Variants in EEPD1 observed in about 807,000 individuals in gnomAD.
EEPD1 encodes endonuclease/exonuclease/phosphatase family domain-containing protein 1.
In EEPD1, 17 loss-of-function variants were observed where a neutral mutation model predicts 46.3. The observed-to-expected ratio is 0.37, with a 90% CI of 0.25 to 0.55. EEPD1 has a LOEUF of 0.55. EEPD1 is among the 20% of genes least tolerant of loss of function. The probability of loss-of-function intolerance (pLI) is 0.83; values close to 1 mark genes in which losing one functional copy is unlikely to be tolerated. For missense variants in EEPD1, 673 were observed against 745.6 expected (o/e 0.90, Z 1.13); for synonymous variants, 313 against 315.6 (o/e 0.99, Z 0.09).
chr7:36,268,381 G>A (rs904034797), intron 3 of EEPD1, among the ~76,000 whole-genome samples: 1 of 151,990 alleles, frequency 6.6e-6, no homozygotes, highest in Non-Finnish European at 1.5e-5. Flanking sequence ...GGCTGGTCTC[G>A]AACTCCTGAC....
intron 4 of EEPD1, among the ~76,000 whole-genome samples, chr7:36,281,783 T>G (rs1787264597): frequency 6.6e-6 from 1 of 152,020 alleles, no homozygotes; most frequent in Non-Finnish European, 1.5e-5. Context: ...CCAGATTTAT[T>G]CACCTTGCAA....
chr7:36,191,363 G>A (rs747778117), intron 2 of EEPD1, among the ~76,000 whole-genome samples: 7 of 152,216 alleles, frequency 4.6e-5, no homozygotes, highest in Non-Finnish European at 1.0e-4. Context: ...AGATAAGCAT[G>A]GAGGAGAGTG....
intron 3 of EEPD1, among the ~76,000 whole-genome samples, chr7:36,256,941 T>C (rs1434091125): frequency 6.6e-6 from 1 of 152,236 alleles, no homozygotes; most frequent in Non-Finnish European, 1.5e-5. Flanking sequence ...TTGGTATATT[T>C]TTGCAGTGGC....
At chr7:36,259,140 C>T (rs1018268549) in intron 3 of EEPD1, among the ~76,000 whole-genome samples, 13 of 152,280 alleles carry the variant, frequency 8.5e-5, no homozygotes, top group African/African-American at 3.1e-4. Context: ...GGTGATACCC[C>T]ATCCTGGTTC....
chr7:36,272,428 G>A (rs566001428), intron 3 of EEPD1, among the ~76,000 whole-genome samples: 2 of 151,718 alleles, frequency 1.3e-5, no homozygotes, highest in Non-Finnish European at 2.9e-5. Flanking sequence ...CTTCACTTCA[G>A]TCTCCACAAA....
At chr7:36,162,293 A>G (rs1242199067) in intron 2 of EEPD1, among the ~76,000 whole-genome samples, 3 of 152,358 alleles carry the variant, frequency 2.0e-5, no homozygotes, top group Admixed American at 1.3e-4. Flanking sequence ...GTGTGCTCAG[A>G]GTAAACATTT....
intron 2 of EEPD1, among the ~76,000 whole-genome samples, chr7:36,172,185 T>C (rs1785096732): frequency 6.6e-6 from 1 of 152,190 alleles, no homozygotes; most frequent in Non-Finnish European, 1.5e-5. Flanking sequence ...CAGTCTTTTG[T>C]TATAATGTTG....
intron 6 of EEPD1, among the ~76,000 whole-genome samples, chr7:36,289,013 G>T (rs529918025): frequency 1.3e-5 from 2 of 152,034 alleles, no homozygotes; most frequent in Non-Finnish European, 2.9e-5. Context: ...AGACTTCCTC[G>T]TTAAACTGGC....
At chr7:36,211,315 C>A (rs1012161830) in intron 2 of EEPD1, among the ~76,000 whole-genome samples, 5 of 152,090 alleles carry the variant, frequency 3.3e-5, no homozygotes, top group Non-Finnish European at 7.4e-5. Context: ...AGTAGAGATA[C>A]AGATTAAAGG....
At position 36,165,777 on chromosome 7, in the gene EEPD1, G is replaced by T. The variant is rs976208212; in HGVS notation, c.878+10575G>T. Among the ~76,000 whole-genome samples, 162 of 151,684 alleles carry T rather than the reference G, an allele frequency of 1.1e-3. 3 individuals are homozygous for T. The highest frequency in any genetic ancestry group is 2.6e-4 in the Non-Finnish European group (18 of 67,948). ...TTAGAACATACTCCCATTGTTAAACGGTACATGATTGTATTTATGAAGTCA... is the reference window on the plus strand; with the variant it reads ...TTAGAACATACTCCCATTGTTAAACTGTACATGATTGTATTTATGAAGTCA... On this transcript the variant is annotated intron_variant, in intron 2 of 7. Transcript: ENST00000242108.
At chr7:36,287,923 T>C in intron 6 of EEPD1, 146 bp downstream of exon 6, 2 of 1,172,030 alleles carry the variant, frequency 1.7e-6, no homozygotes, top group Middle Eastern at 2.9e-4. Flanking sequence ...CTCTGGCATC[T>C]CATGGAGCCC....
At chr7:36,177,023 G>GGGAATA (rs760258965) in intron 2 of EEPD1, among the ~76,000 whole-genome samples, 27 of 152,174 alleles carry the variant, frequency 1.8e-4, no homozygotes, top group Non-Finnish European at 3.8e-4. Context: ...GGCCGGGGCT[G>GGGAATA]GGAATAGGGA....
At chr7:36,197,102 C>T (rs1583802214) in intron 2 of EEPD1, among the ~76,000 whole-genome samples, 1 of 149,826 alleles carries the variant, frequency 6.7e-6, no homozygotes, top group African/African-American at 2.4e-5. Context: ...TGCCCGGCCG[C>T]CCCATCTGAG....
intron 2 of EEPD1, among the ~76,000 whole-genome samples, chr7:36,176,034 AGGCAGGTCTGAGGAGGGGAGGCCCAG>A (rs1262505947): frequency 6.6e-6 from 1 of 152,134 alleles, no homozygotes; most frequent in Non-Finnish European, 1.5e-5. Flanking sequence ...TGTGAGTAGA[AGGCAGGTCTGAGGAGGGGAGGCCCAG>A]GGAACCCTCG....
chr7:36,215,062 G>C (rs756658766), intron 2 of EEPD1, among the ~76,000 whole-genome samples: 2 of 152,218 alleles, frequency 1.3e-5, no homozygotes, highest in Non-Finnish European at 2.9e-5. Flanking sequence ...AGGGACCAGA[G>C]GGGCCTCAAT....
intron 3 of EEPD1, among the ~76,000 whole-genome samples, chr7:36,240,850 G>T (rs924301334): frequency 1.3e-5 from 2 of 152,146 alleles, no homozygotes; most frequent in Non-Finnish European, 2.9e-5. Context: ...AGATCATCAG[G>T]CATTAGATTC....
rs1295585910 is a variant in EEPD1 at position 36,301,052 on chromosome 7, C to T, written c.*1846C>T. The T allele has an allele frequency of 1.3e-5, 2 of 152,252 alleles. No homozygotes were observed. The highest frequency in any genetic ancestry group is 2.9e-5 in the Non-Finnish European group (2 of 68,058). The allele number at this position is 152,252 out of a possible 1,614,324, so 9.4% of individuals were successfully genotyped here. ...GCCGGATGTCCCAAATCCCTTTAGC[C>T]AGATTGCTTTTTGCAACCAAAGCTG... On this transcript the variant is annotated 3_prime_UTR_variant, in exon 8 of 8. Transcript: ENST00000242108.
chr7:36,248,994 A>AAC (rs71553052), intron 3 of EEPD1, among the ~76,000 whole-genome samples: 14,218 of 135,296 alleles, frequency 0.11, 850 homozygotes, highest in East Asian at 0.31. Context: ...TGGTTCATTA[A>AAC]ACACACACAC....
intron 2 of EEPD1, among the ~76,000 whole-genome samples, chr7:36,230,108 AAT>A (rs1786297159): frequency 1.3e-5 from 2 of 151,904 alleles, no homozygotes; most frequent in African/African-American, 4.8e-5. Context: ...AAACTGGAGT[AAT>A]GTTTCTTTCT....
Sources: gnomAD v4.1 joint callset for allele counts (sites outside exome capture counted in the v4.1 genomes callset) on GRCh38, gnomAD v4.1.1 for gene constraint, MANE v1.5 for transcripts, NCBI Gene and HGNC (gene_info 2026-07-23, HGNC 2026-07-21) for gene names.